Variants in HEATR4 observed in about 807,000 individuals in gnomAD.
The protein encoded by HEATR4 is HEAT repeat-containing protein 4.
HEATR4 carries 95 observed loss-of-function variants against 108.8 expected under a neutral mutation model. The observed-to-expected ratio is 0.87, with a 90% CI of 0.74 to 1.04. The LOEUF (loss-of-function observed/expected upper bound fraction) is 1.04. Ranked by LOEUF, HEATR4 falls within the 50% of genes least tolerant of loss-of-function variation. The pLI is 0.00. For synonymous variants in HEATR4, 443 were observed against 459.4 expected, an observed-to-expected ratio of 0.96 and a Z score of 0.46; for missense variants, 1,152 against 1,253.8, an observed-to-expected ratio of 0.92 and a Z score of 1.23.
chr14:73,532,201 C>T (rs954790554), intron 1 of HEATR4, among the ~76,000 whole-genome samples: 3 of 114,716 alleles, frequency 2.6e-5, no homozygotes, highest in African/African-American at 5.7e-5. Context: ...AGAAGCTGTC[C>T]GTTGACTTTT....
At position 73,503,068 on chromosome 14, in the gene HEATR4, C is replaced by G. The variant is rs1330961472; in HGVS notation, c.1987-55G>C. 6 of 1,384,456 alleles carry G rather than the reference C, an allele frequency of 4.3e-6. No individual in the cohort carries two copies. The South Asian group carries it at 5.8e-5, about 13-fold the overall frequency. The allele number at this position is 1,384,456 out of a possible 1,614,324, so 85.8% of individuals were successfully genotyped here. A position where few individuals can be genotyped will look rare whatever the true frequency, so the allele number is the denominator to read the frequency against. On this transcript the variant is annotated intron_variant, in intron 10 of 17. Coordinates refer to ENST00000553558, the MANE Select transcript of HEATR4 (RefSeq NM_001220484.1). ...TCACTTAATGAATGTTAATTTTGTG[C>G]TTGGCGTTGTGCTGTTTTTTCTTCT...
intron 17 of HEATR4, chr14:73,491,738 C>A: frequency 6.4e-7 from 1 of 1,554,598 alleles, no homozygotes; most frequent in Non-Finnish European, 8.7e-7. Flanking sequence ...CTACCAGGGA[C>A]TTTTCTCTAC....
the HEATR4 span, chr14:73,568,916 T>C: frequency 2.7e-6 from 1 of 371,514 alleles, no homozygotes; most frequent in African/African-American, 2.0e-5. Context: ...TGAGTGTGAA[T>C]TATTCAACAA....
the HEATR4 span, chr14:73,593,887 A>G: frequency 3.1e-6 from 5 of 1,612,398 alleles, no homozygotes; most frequent in Non-Finnish European, 4.2e-6. Context: ...CGTATGCTAC[A>G]TGCTTCAACA....
Position 73,492,031 on chromosome 14 carries a change from C to G in HEATR4, c.2844+1035G>C, listed in dbSNP as rs769724580. The stretch of plus-strand genomic sequence containing the variant: ...CGCCCCCTAACTCGCAGGGCTTTGC[C>G]CCCCACTACGACGACATCGAGGCCT... On this transcript the variant is annotated intron_variant, in intron 17 of 17. Transcript: ENST00000553558. This position sits in a 1 kb window ranked among gnomAD's most constrained non-coding sequence, Gnocchi z 4.9. 2.4e-5 allele frequency: 39 copies of G among 1,613,860 alleles called. No homozygotes were observed. The highest frequency in any genetic ancestry group is 3.1e-5 in the Non-Finnish European group (36 of 1,179,898).
intron 2 of HEATR4, among the ~76,000 whole-genome samples, chr14:73,526,449 A>T (rs1888341083): frequency 6.6e-6 from 1 of 152,194 alleles, no homozygotes; most frequent in Non-Finnish European, 1.5e-5. Flanking sequence ...ACCGCGTGTG[A>T]CACCAACTGT....
Position 73,502,972 on chromosome 14 carries a change from C to G in HEATR4, c.2028G>C (p.Trp676Cys). 6.2e-7 allele frequency: 1 copy of G among 1,614,010 alleles called. No individual in the cohort carries two copies. The highest frequency in any genetic ancestry group is 8.5e-7 in the Non-Finnish European group (1 of 1,180,004). ...CAGCTGCTCTCCTCACTTCCTTATTCCAGTCATTCCACATCAGCTGGATCA... is the reference window on the plus strand; with the variant it reads ...CAGCTGCTCTCCTCACTTCCTTATTGCAGTCATTCCACATCAGCTGGATCA... ...HKLIQLMWNDWNKEVRRAAAQ... is the reference protein window; with the variant it reads ...HKLIQLMWNDCNKEVRRAAAQ... Residue 676 changes from tryptophan to cysteine, a missense_variant, in exon 11 of 18, where the codon TGG (tryptophan) becomes TGC (cysteine). Transcript: ENST00000553558.
chr14:73,598,235 A>AAC, the HEATR4 span, among the ~76,000 whole-genome samples: 1 of 147,654 alleles, frequency 6.8e-6, no homozygotes, highest in Non-Finnish European at 1.5e-5. Context: ...AAAAAAAAAA[A>AAC]AAAACATAGC....
At chr14:73,576,338 T>C in the HEATR4 span, among the ~76,000 whole-genome samples, 2 of 152,002 alleles carry the variant, frequency 1.3e-5, no homozygotes, top group Non-Finnish European at 2.9e-5. Context: ...AACCAATACA[T>C]ATTTAGTTCT....
chr14:73,575,020 T>C, the HEATR4 span: 1 of 1,594,166 alleles, frequency 6.3e-7, no homozygotes, highest in Non-Finnish European at 8.6e-7. Flanking sequence ...AACGGCTCTG[T>C]GGCCAATGTT....
rs567637880 is a variant in HEATR4 at position 73,494,289 on chromosome 14, A to C, written c.2785+939T>G. Among the ~76,000 whole-genome samples, 31 of 152,324 alleles carry C rather than the reference A, an allele frequency of 2.0e-4. No individual in the cohort carries two copies. The South Asian group carries it at 2.9e-3, about 14-fold the overall frequency. On this transcript the variant is annotated intron_variant, in intron 16 of 17. Coordinates refer to ENST00000553558, the MANE Select transcript of HEATR4 (RefSeq NM_001220484.1). ...GTGGTAGCTGGTAGGCAGCTGGCTG[A>C]GTGACCTGAGGCTGATGCTACGCTC...
intron 1 of HEATR4, among the ~76,000 whole-genome samples, chr14:73,547,960 G>A (rs1252520328): frequency 8.7e-6 from 1 of 114,552 alleles, no homozygotes; most frequent in Non-Finnish European, 1.9e-5. Flanking sequence ...TTAAGAGACA[G>A]GCTCTGGCCA....
chr14:73,491,628 G>A (rs1885751386), intron 17 of HEATR4: 7 of 1,549,276 alleles, frequency 4.5e-6, no homozygotes, highest in Non-Finnish European at 4.4e-6. Flanking sequence ...CGAGCGGCCC[G>A]CCTCTTTGAG....
At chr14:73,506,802 C>CTTTTTTTTTTTTTTTTTTTTTTTT (rs1470976246) in intron 9 of HEATR4, among the ~76,000 whole-genome samples, 7 of 58,022 alleles carry the variant, frequency 1.2e-4, no homozygotes, top group Non-Finnish European at 1.7e-4. Flanking sequence ...CTGACTTTAA[C>CTTTTTTTTTTTTTTTTTTTTTTTT]TGTTTTTTTT....
At chr14:73,610,668 G>C in the HEATR4 span, among the ~76,000 whole-genome samples, 18 of 152,142 alleles carry the variant, frequency 1.2e-4, no homozygotes, top group Admixed American at 7.9e-4. Flanking sequence ...AAATGTACTA[G>C]GTTTACTAAA....
chr14:73,597,141 T>C, the HEATR4 span, among the ~76,000 whole-genome samples: 3 of 152,068 alleles, frequency 2.0e-5, no homozygotes, highest in Non-Finnish European at 4.4e-5. Context: ...TGGAGTGCAA[T>C]GGCGCAATCT....
intron 17 of HEATR4, among the ~76,000 whole-genome samples, chr14:73,484,555 T>C (rs187509528): frequency 1.3e-5 from 2 of 151,852 alleles, no homozygotes; most frequent in Admixed American, 1.3e-4. Flanking sequence ...ATTTTTGTAT[T>C]TTTTAGTAGA....
the HEATR4 span, chr14:73,568,003 G>A: frequency 1.0e-3 from 156 of 152,262 alleles, 2 homozygotes; most frequent in Middle Eastern, 0.01. Flanking sequence ...GAGGGTCTGC[G>A]GCTTCATTCT....
chr14:73,491,653 C>G (rs1390138638), intron 17 of HEATR4: 8 of 1,549,806 alleles, frequency 5.2e-6, no homozygotes, highest in African/African-American at 4.1e-5. Flanking sequence ...TCATCGCGCC[C>G]ATGCCGCCAG....
Sources: gnomAD v4.1 joint callset for allele counts (sites outside exome capture counted in the v4.1 genomes callset) on GRCh38, gnomAD v4.1.1 for gene constraint, Gnocchi (gnomAD v3.1) non-coding constraint, MANE v1.5 for transcripts, NCBI Gene and HGNC (gene_info 2026-07-23, HGNC 2026-07-21) for gene names.